DTNA: variants seen among roughly 807,000 people sequenced by gnomAD.
The protein encoded by DTNA is dystrobrevin alpha, also known as dystrophin-related protein 3.
DTNA carries 43 observed loss-of-function variants against 100.7 expected under a neutral mutation model. The observed-to-expected ratio is 0.43, with a 90% CI of 0.33 to 0.55. DTNA has a LOEUF of 0.55. DTNA is among the 20% of genes least tolerant of loss of function. The pLI is 0.04. For missense variants in DTNA, 798 were observed against 953.9 expected, an observed-to-expected ratio of 0.84 and a Z score of 2.15; for synonymous variants, 349 against 347.9, an observed-to-expected ratio of 1.00 and a Z score of -0.04.
At chr18:34,579,853 T>G (rs2048452606) in intron 1 of DTNA, among the ~76,000 whole-genome samples, 1 of 152,286 alleles carries the variant, frequency 6.6e-6, no homozygotes, top group East Asian at 1.9e-4. Context: ...GGTTGATATC[T>G]TTTACCAGTT....
chr18:34,584,422 T>C (rs2048926228), intron 1 of DTNA, among the ~76,000 whole-genome samples: 1 of 152,152 alleles, frequency 6.6e-6, no homozygotes, highest in Non-Finnish European at 1.5e-5. Context: ...ATTGTGTTCA[T>C]GAAACTAAAC....
chr18:34,806,513 C>T (rs537012924), intron 5 of DTNA, among the ~76,000 whole-genome samples: 1 of 152,306 alleles, frequency 6.6e-6, no homozygotes, highest in South Asian at 2.1e-4. Flanking sequence ...TTTTCCTCTA[C>T]TTATAACCTG....
chr18:34,563,728 T>C (rs2046841018), intron 1 of DTNA, among the ~76,000 whole-genome samples: 1 of 152,250 alleles, frequency 6.6e-6, no homozygotes, highest in Non-Finnish European at 1.5e-5. Flanking sequence ...TACAAAGTGA[T>C]ATTACTCTCC....
intron 1 of DTNA, among the ~76,000 whole-genome samples, chr18:34,656,974 T>A (rs1313690331): frequency 6.6e-6 from 1 of 152,124 alleles, no homozygotes; most frequent in African/African-American, 2.4e-5. Context: ...CCTCCCAGGC[T>A]CAAGCAATTC....
rs567020534 is a variant in DTNA, at chr18:34,603,636, T to C, written c.-2+110122T>C. Among the ~76,000 whole-genome samples, 7 of 152,340 alleles carry C rather than the reference T, an allele frequency of 4.6e-5. No individual in the cohort carries two copies. The South Asian group carries it at 1.4e-3, about 32-fold the overall frequency. On this transcript the variant is annotated intron_variant, in intron 1 of 19. Transcript: ENST00000283365. ...TTTAATACTGTTGAGGAATATTATC[T>C]TTGATACACCACAGGTAAGGAGATT...
At chr18:34,646,768 C>T (rs1053014071) in intron 1 of DTNA, among the ~76,000 whole-genome samples, 4 of 152,098 alleles carry the variant, frequency 2.6e-5, no homozygotes, top group South Asian at 2.1e-4. Context: ...AGTGCAGTGG[C>T]GCGATCTTGG....
chr18:34,613,879 T>G (rs1169235895), intron 1 of DTNA, among the ~76,000 whole-genome samples: 2 of 152,206 alleles, frequency 1.3e-5, no homozygotes, highest in African/African-American at 4.8e-5. Context: ...GGAAGATAAC[T>G]CCACTAAGCA....
At chr18:34,860,220 G>GCTT (rs2096603109) in intron 16 of DTNA, among the ~76,000 whole-genome samples, 1 of 80,254 alleles carries the variant, frequency 1.2e-5, no homozygotes, top group African/African-American at 4.7e-5. Flanking sequence ...CTAATTTTTT[G>GCTT]TTTTTTTTTT....
At chr18:34,854,103 G>A (rs748077778) in intron 15 of DTNA, among the ~76,000 whole-genome samples, 2 of 152,188 alleles carry the variant, frequency 1.3e-5, no homozygotes, top group Admixed American at 6.5e-5. Flanking sequence ...TTTGTGGTTC[G>A]TGGAATGCTT....
At chr18:34,581,402 A>G (rs917899013) in intron 1 of DTNA, among the ~76,000 whole-genome samples, 3 of 152,202 alleles carry the variant, frequency 2.0e-5, no homozygotes, top group Non-Finnish European at 4.4e-5. Flanking sequence ...TCTTCTATCC[A>G]AGAAAAGGTT....
At chr18:34,658,562 C>A (rs1404880869) in intron 1 of DTNA, among the ~76,000 whole-genome samples, 1 of 152,064 alleles carries the variant, frequency 6.6e-6, no homozygotes, top group African/African-American at 2.4e-5. Flanking sequence ...TCATGTTGCC[C>A]AAGCTGGTCT....
At position 34,888,412 on chromosome 18, in the gene DTNA, G is replaced by T. The variant is rs1329400181; in HGVS notation, c.*678G>T. ...GGTCTGTAGTTGACTCCAAGTCTCT[G>T]TGAGCAGTGACTTGAACCAAACACA... On this transcript the variant is annotated 3_prime_UTR_variant, in exon 23 of 23. Coordinates refer to ENST00000444659, the MANE Select transcript of DTNA (RefSeq NM_001386795.1). 1.0e-6 allele frequency: 1 copy of T among 985,708 alleles called. No homozygotes were observed. Among genetic ancestry groups the T allele is most frequent in the Non-Finnish European group, 1.2e-6 (1 of 829,940 alleles). 61.1% of individuals were successfully genotyped at this position (985,708 alleles called of 1,614,324 possible). A position where few individuals can be genotyped will look rare whatever the true frequency, so the allele number is the denominator to read the frequency against.
rs2096951160 is a variant in DTNA, at chr18:34,889,436, C to T, written c.*1702C>T. The stretch of plus-strand genomic sequence containing the variant: ...GAGAACTACTGCTTTAGAATGAAGT[C>T]GTATAATAAAGTCTCTGAAAAGGCC... On this transcript the variant is annotated 3_prime_UTR_variant, in exon 23 of 23. Coordinates refer to ENST00000444659, the MANE Select transcript of DTNA (RefSeq NM_001386795.1). 5 of 985,256 alleles carry T rather than the reference C, an allele frequency of 5.1e-6. No homozygotes were observed. Among genetic ancestry groups the T allele is most frequent in the Non-Finnish European group, 6.0e-6 (5 of 829,904 alleles). The allele number at this position is 985,256 out of a possible 1,614,324, so 61.0% of individuals were successfully genotyped here.
At chr18:34,732,909 G>C (rs1231285040) in intron 1 of DTNA, among the ~76,000 whole-genome samples, 1 of 152,132 alleles carries the variant, frequency 6.6e-6, no homozygotes, top group African/African-American at 2.4e-5. Flanking sequence ...AATGACCACA[G>C]GATGAGTCCG....
In DTNA at chr18:34,553,894, G is replaced by GT. The variant is rs1233247815; in HGVS notation, c.-2+60386dup. Among the ~76,000 whole-genome samples the GT allele has an allele frequency of 1.2e-4, 18 of 151,826 alleles. No individual in the cohort carries two copies. The East Asian group carries it at 2.1e-3, about 18-fold the overall frequency. On this transcript the variant is annotated intron_variant, in intron 1 of 19. Coordinates refer to the DTNA transcript ENST00000283365. ...TTGGTTCCATATGAACTTTAAAGTA[G>GT]TTTTTTCCAATTCTGTGAAGAAAGT...
chr18:34,740,181 T>G (rs993292951), intron 1 of DTNA, among the ~76,000 whole-genome samples: 6 of 152,154 alleles, frequency 3.9e-5, no homozygotes, highest in African/African-American at 1.4e-4. Context: ...TTAATCAGTG[T>G]CTTATCATTT....
At chr18:34,714,802 C>T in intron 1 of DTNA, among the ~76,000 whole-genome samples, 1 of 152,096 alleles carries the variant, frequency 6.6e-6, no homozygotes, top group Non-Finnish European at 1.5e-5. Context: ...GACTTGGAAC[C>T]AAGCCAAACG....
intron 1 of DTNA, among the ~76,000 whole-genome samples, chr18:34,639,428 T>C (rs2059018234): frequency 6.6e-6 from 1 of 152,164 alleles, no homozygotes; most frequent in Non-Finnish European, 1.5e-5. Flanking sequence ...TTCATGAAGC[T>C]TCTATATGAA....
intron 13 of DTNA, among the ~76,000 whole-genome samples, chr18:34,842,440 T>C (rs1184181690): frequency 6.6e-6 from 1 of 152,180 alleles, no homozygotes; most frequent in Non-Finnish European, 1.5e-5. Context: ...CTTGCATGCT[T>C]AGAACTCTTT....
Sources: gnomAD v4.1 joint callset for allele counts (sites outside exome capture counted in the v4.1 genomes callset) on GRCh38, gnomAD v4.1.1 for gene constraint, MANE v1.5 for transcripts, NCBI Gene and HGNC (gene_info 2026-07-23, HGNC 2026-07-21) for gene names.